Variants in AP1G1 observed in about 807,000 individuals in gnomAD.
AP1G1 encodes the protein adaptor related protein complex 1 subunit gamma 1, also known as AP-1 complex subunit gamma-1.
A neutral mutation model predicts 108.3 loss-of-function variants in AP1G1; 7 were observed. The ratio of observed to expected loss-of-function variants is 0.06; its 90% confidence interval spans 0.04 to 0.12. AP1G1 has a LOEUF of 0.12. Among genes scored for constraint, AP1G1 ranks in the 10% least tolerant of loss-of-function variants. AP1G1 has a pLI of 1.00. For missense variants in AP1G1, 756 were observed against 1,010.7 expected, an observed-to-expected ratio of 0.75 and a Z score of 3.42; for synonymous variants, 379 against 353.5, an observed-to-expected ratio of 1.07 and a Z score of -0.81.
chr16:71,736,117 A>AAT lies in AP1G1; in HGVS notation c.2269-1412_2269-1411dup, dbSNP rs1306238313. ...CCATCTCAAAAAAAAAAAAAAAAAA[A>AAT]ATATATATATATATATATATATATA... On this transcript the variant is annotated intron_variant, in intron 21 of 22. Coordinates refer to ENST00000299980, the MANE Select transcript of AP1G1 (RefSeq NM_001128.6). 4.4e-3 allele frequency among the ~76,000 whole-genome samples: 314 copies of AAT among 71,576 alleles called. 8 individuals are homozygous for AAT. The highest frequency in any genetic ancestry group is 7.1e-3 in the East Asian group (15 of 2,098). 47.0% of individuals were successfully genotyped at this position (71,576 alleles called of 152,430 possible).
Position 71,787,356 on chromosome 16 carries a change from T to C in AP1G1, c.201+1923A>G, listed in dbSNP as rs149687566. Among the ~76,000 whole-genome samples, 1,466 of 146,874 alleles carry C rather than the reference T, an allele frequency of 1.0e-2. 24 individuals are homozygous for C. Among genetic ancestry groups the C allele is most frequent in the African/African-American group, 0.035 (1,381 of 39,892 alleles). On this transcript the variant is annotated intron_variant, in intron 2 of 22. Transcript: ENST00000299980. ...AAAAAAAAAAAAAATTAGCTGGGTGTGGTGCCATGCACCTGCAGTCCCAGT... is the reference window on the plus strand; with the variant it reads ...AAAAAAAAAAAAAATTAGCTGGGTGCGGTGCCATGCACCTGCAGTCCCAGT...
At chr16:71,789,578 G>T in intron 1 of AP1G1, 96 bp from the exon 2 acceptor site, 1 of 1,287,970 alleles carries the variant, frequency 7.8e-7, no homozygotes. Context: ...TAGTTTTTAA[G>T]AATTCAAGAC....
At chr16:71,758,572 G>T in intron 11 of AP1G1, 2 of 603,692 alleles carry the variant, frequency 3.3e-6, no homozygotes, top group Non-Finnish European at 6.3e-6. Context: ...CAACTTCAGT[G>T]TGCACTTAAG....
intron 1 of AP1G1, among the ~76,000 whole-genome samples, chr16:71,798,355 C>T (rs769692061): frequency 1.3e-5 from 2 of 152,082 alleles, no homozygotes; most frequent in East Asian, 1.9e-4. Context: ...CGTGCCACCA[C>T]GCTCAGCTAA....
At position 71,732,851 on chromosome 16, in the gene AP1G1, A is replaced by G. The variant is rs2045487728; in HGVS notation, c.*207T>C. 2.0e-6 allele frequency: 1 copy of G among 490,538 alleles called. No individual in the cohort carries two copies. Among genetic ancestry groups the G allele is most frequent in the Non-Finnish European group, 3.6e-6 (1 of 276,368 alleles). 30.4% of individuals were successfully genotyped at this position (490,538 alleles called of 1,614,324 possible). A position where few individuals can be genotyped will look rare whatever the true frequency, so the allele number is the denominator to read the frequency against. ...GGAAGAGTGCAAAGTAGCCTCCAGA[A>G]GCAGCCAGCCTCAACAGTGGAGGAG... is the stretch of plus-strand genomic sequence containing the variant. On this transcript the variant is annotated 3_prime_UTR_variant, in exon 23 of 23. Transcript: ENST00000299980.
At chr16:71,782,262 C>G (rs937117004) in intron 2 of AP1G1, among the ~76,000 whole-genome samples, 1 of 151,978 alleles carries the variant, frequency 6.6e-6, no homozygotes, top group African/African-American at 2.4e-5. Flanking sequence ...CTCCCAGGTT[C>G]AAGTGATTCT....
Position 71,769,666 on chromosome 16 carries a change from T to A in AP1G1, c.599A>T (p.Glu200Val). 1 of 1,613,756 alleles carries A rather than the reference T, an allele frequency of 6.2e-7. No individual in the cohort carries two copies. Among genetic ancestry groups the A allele is most frequent in the Non-Finnish European group, 8.5e-7 (1 of 1,179,752 alleles). The change falls in exon 6 of 23, where the codon GAA (glutamate) becomes GTA (valine). Residue 200 changes from glutamate to valine, a missense_variant. Coordinates refer to ENST00000299980, the MANE Select transcript of AP1G1 (RefSeq NM_001128.6). ...VLHTSVVLLT[E>V]MCERSPDMLA... ...CATGTCTGGGCTTCGCTCACACATTTCTGTGAGGAGGACTACAGATGTGTG... is the reference window on the plus strand; with the variant it reads ...CATGTCTGGGCTTCGCTCACACATTACTGTGAGGAGGACTACAGATGTGTG...
Position 71,732,895 on chromosome 16 carries a change from A to G in AP1G1, c.*163T>C. 3.4e-6 allele frequency: 2 copies of G among 593,916 alleles called. No individual in the cohort carries two copies. The highest frequency in any genetic ancestry group is 5.9e-6 in the Non-Finnish European group (2 of 337,072). 36.8% of individuals were successfully genotyped at this position (593,916 alleles called of 1,614,324 possible). A position where few individuals can be genotyped will look rare whatever the true frequency, so the allele number is the denominator to read the frequency against. On this transcript the variant is annotated 3_prime_UTR_variant, in exon 23 of 23. Coordinates refer to ENST00000299980, the MANE Select transcript of AP1G1 (RefSeq NM_001128.6). ...GGAGGAGAGGACATTAGTCTTTAACAATGCTTCAAGGTCAGCAGTAACTTT... is the reference window on the plus strand; with the variant it reads ...GGAGGAGAGGACATTAGTCTTTAACGATGCTTCAAGGTCAGCAGTAACTTT...
At chr16:71,764,498 C>CA in intron 8 of AP1G1, 50 bp from the exon 9 acceptor site, 1 of 1,373,932 alleles carries the variant, frequency 7.3e-7, no homozygotes, top group Non-Finnish European at 1.0e-6. Context: ...ACAATGCTCC[C>CA]AAAACATATT....
chr16:71,777,102 G>C (rs1174812060), intron 2 of AP1G1, among the ~76,000 whole-genome samples: 2 of 45,842 alleles, frequency 4.4e-5, no homozygotes, highest in Non-Finnish European at 7.0e-5. Context: ...CAGCCAAACT[G>C]TTACAAAAAA....
At chr16:71,750,983 C>T (rs944105603) in intron 13 of AP1G1, among the ~76,000 whole-genome samples, 3 of 151,260 alleles carry the variant, frequency 2.0e-5, no homozygotes, top group Non-Finnish European at 4.4e-5. Context: ...GATGAAACCC[C>T]GTCTCTACTA....
chr16:71,807,386 C>G (rs981719360), intron 1 of AP1G1, among the ~76,000 whole-genome samples: 2 of 152,208 alleles, frequency 1.3e-5, no homozygotes, highest in Non-Finnish European at 2.9e-5. Context: ...GAGCCGAGAC[C>G]GTGCCACTGC....
intron 1 of AP1G1, among the ~76,000 whole-genome samples, chr16:71,796,180 AGT>A (rs1303793422): frequency 2.6e-5 from 4 of 152,320 alleles, no homozygotes; most frequent in Non-Finnish European, 4.4e-5. Flanking sequence ...CTTGGGTTGC[AGT>A]GAGCTGAGAT....
intron 2 of AP1G1, among the ~76,000 whole-genome samples, chr16:71,783,423 AATT>A: frequency 6.6e-6 from 1 of 152,300 alleles, no homozygotes; most frequent in East Asian, 1.9e-4. Context: ...TCTACAACAT[AATT>A]ATTTAAAATT....
intron 15 of AP1G1, 62 bp downstream of exon 15, chr16:71,749,832 A>C: frequency 2.2e-6 from 3 of 1,374,344 alleles, no homozygotes; most frequent in Non-Finnish European, 3.1e-6. Flanking sequence ...CCCATTAAAC[A>C]CTACTCTCCT....
At position 71,744,750 on chromosome 16, in the gene AP1G1, A is replaced by G. The variant is rs779622199; in HGVS notation, c.1999+394T>C. Among the ~76,000 whole-genome samples the G allele has an allele frequency of 3.3e-4, 50 of 151,876 alleles. No homozygotes were observed. The Middle Eastern group carries it at 0.01, about 31-fold the overall frequency. ...ACCACTTCACCCGGCTAATTGTTGTATTTTTAGTAGAGATGGCGTTTCACC... is the reference window on the plus strand; with the variant it reads ...ACCACTTCACCCGGCTAATTGTTGTGTTTTTAGTAGAGATGGCGTTTCACC... On this transcript the variant is annotated intron_variant, in intron 19 of 22. Transcript: ENST00000299980.
rs184374393 is a variant in AP1G1, at chr16:71,763,625, T to C, written c.918+725A>G. Among the ~76,000 whole-genome samples, 4 of 152,314 alleles carry C rather than the reference T, an allele frequency of 2.6e-5. No homozygotes were observed. In the East Asian group the frequency reaches 7.7e-4, roughly 29 times the overall value. ...AACAAAGTATGGTGCGAACAATATA[T>C]ATGGTATGTTACCATTCTGTCTGAA... On this transcript the variant is annotated intron_variant, in intron 9 of 22. Transcript: ENST00000299980.
Position 71,773,309 on chromosome 16 carries a change from C to G in AP1G1, c.380G>C (p.Gly127Ala). The G allele has an allele frequency of 6.3e-7, 1 of 1,595,578 alleles. No homozygotes were observed. Among genetic ancestry groups the G allele is most frequent in the Non-Finnish European group, 8.5e-7 (1 of 1,174,826 alleles). ...FVQGLALCTL[G>A]CMGSSEMCRD... is the part of the protein sequence containing the mutation. ...GCACATCTCTGAGGAGCCCATGCAGCCGAGGGTACAAAGTGCTAACCCCTG... is the reference window on the plus strand; with the variant it reads ...GCACATCTCTGAGGAGCCCATGCAGGCGAGGGTACAAAGTGCTAACCCCTG... Residue 127 changes from glycine (G) to alanine (A), a missense_variant, in exon 4 of 23, where the codon GGC becomes GCC. Gly to Ala is a moderately conservative substitution (Grantham distance 60). This residue lies in a region of AP1G1 where 304 missense variants were observed against 483.6 expected (regional missense o/e 0.63). Transcript: ENST00000299980.
At chr16:71,776,491 G>GTTGACATT in intron 2 of AP1G1, among the ~76,000 whole-genome samples, 1 of 152,248 alleles carries the variant, frequency 6.6e-6, no homozygotes, top group South Asian at 2.1e-4. Flanking sequence ...AATTTACTAA[G>GTTGACATT]GTGAATGAGA....
Sources: allele counts gnomAD v4.1 joint callset (sites outside exome capture counted in the v4.1 genomes callset), GRCh38; gene constraint gnomAD v4.1.1; regional missense constraint gnomAD v4.1.1; transcripts MANE v1.5; gene names NCBI Gene and HGNC (gene_info 2026-07-23, HGNC 2026-07-21).